CELF2: variants seen among roughly 807,000 people sequenced by gnomAD.
CELF2 encodes the protein CUGBP Elav-like family member 2.
CELF2 carries 8 observed loss-of-function variants against 62.6 expected under a neutral mutation model. That is an observed-to-expected ratio of 0.13 (90% confidence interval 0.07 to 0.23). The LOEUF (loss-of-function observed/expected upper bound fraction) is 0.23, where lower values mean the gene tolerates loss of function less well. Among genes scored for constraint, CELF2 ranks in the 10% least tolerant of loss-of-function variants. CELF2 has a pLI of 1.00. For missense variants in CELF2, 333 were observed against 671.0 expected (o/e 0.50, Z 5.56); for synonymous variants, 258 against 250.0 (o/e 1.03, Z -0.30).
At position 11,311,242 on chromosome 10, in the gene CELF2, C is replaced by T. The variant is rs185025670; in HGVS notation, c.977-2897C>T. Among the ~76,000 whole-genome samples, 28 of 152,334 alleles carry T rather than the reference C, an allele frequency of 1.8e-4. 1 individual carries two copies. The East Asian group carries it at 5.2e-3, about 28-fold the overall frequency. ...GAGAATTCATAACAATAAACCATCCCTCACGTGAGTTTACAACCCAGTTTG... is the reference window on the plus strand; with the variant it reads ...GAGAATTCATAACAATAAACCATCCTTCACGTGAGTTTACAACCCAGTTTG... On this transcript the variant is annotated intron_variant, in intron 9 of 12. Transcript: ENST00000633077. The surrounding 1 kb of genome is among the most constrained non-coding windows in gnomAD (Gnocchi z 4.7).
intron 1 of CELF2, among the ~76,000 whole-genome samples, chr10:11,032,196 A>G (rs1318522770): frequency 1.4e-5 from 2 of 146,434 alleles, no homozygotes; most frequent in Non-Finnish European, 3.0e-5. Context: ...CACCCACTAC[A>G]TCATGGGCTC....
chr10:10,468,396 C>T, the CELF2 span, among the ~76,000 whole-genome samples: 20 of 152,066 alleles, frequency 1.3e-4, no homozygotes, highest in Admixed American at 5.9e-4. Flanking sequence ...TTTGTCTTCA[C>T]GATCATACTG....
At chr10:10,595,176 G>T in the CELF2 span, among the ~76,000 whole-genome samples, 1 of 152,162 alleles carries the variant, frequency 6.6e-6, no homozygotes, top group East Asian at 1.9e-4. Context: ...CCATGAAAAT[G>T]TATGTTACAT....
At chr10:11,180,133 C>T (rs1293111870) in intron 2 of CELF2, among the ~76,000 whole-genome samples, 5 of 152,144 alleles carry the variant, frequency 3.3e-5, no homozygotes, top group Admixed American at 1.3e-4. Flanking sequence ...ACTCCATACC[C>T]GTCTGAGCCA....
intron 2 of CELF2, among the ~76,000 whole-genome samples, chr10:10,985,961 G>A (rs2052701608): frequency 6.6e-6 from 1 of 152,286 alleles, no homozygotes; most frequent in East Asian, 1.9e-4. Flanking sequence ...TAGGAAATTT[G>A]AAGACCTACT....
chr10:10,959,453 C>G (rs181464453), intron 2 of CELF2, among the ~76,000 whole-genome samples: 127 of 152,238 alleles, frequency 8.3e-4, no homozygotes, highest in Admixed American at 1.8e-3. Context: ...AAGTATTTAC[C>G]CAGCATTTTA....
rs1424243347 is a variant in CELF2, at chr10:11,005,462, T to C, written c.53+22T>C. 1.9e-6 allele frequency: 3 copies of C among 1,613,896 alleles called. No homozygotes were observed. The South Asian group carries it at 3.3e-5, about 18-fold the overall frequency. ...TAAGGTATGTTGTTGTGTCCTTTGT[T>C]TTTAATGCACGCTTTTCTAGTTTCT... is the stretch of plus-strand genomic sequence containing the variant. On this transcript the variant is annotated intron_variant, in intron 1 of 12. Coordinates refer to the CELF2 transcript ENST00000416382. The surrounding 1 kb of genome is among the most constrained non-coding windows in gnomAD (Gnocchi z 4.3).
chr10:10,508,623 A>G, the CELF2 span, among the ~76,000 whole-genome samples: 2 of 150,708 alleles, frequency 1.3e-5, no homozygotes, highest in African/African-American at 4.9e-5. Flanking sequence ...TATTGATCAG[A>G]TTTTCAATAC....
the CELF2 span, among the ~76,000 whole-genome samples, chr10:10,491,861 A>G: frequency 6.6e-6 from 1 of 152,184 alleles, no homozygotes; most frequent in South Asian, 2.1e-4. Context: ...TTGTTGTTAC[A>G]TACAAGCCCA....
chr10:11,299,988 T>C (rs930771865), intron 9 of CELF2, among the ~76,000 whole-genome samples: 2 of 152,232 alleles, frequency 1.3e-5, no homozygotes, highest in African/African-American at 4.8e-5. Context: ...CCCTGTGTAC[T>C]GCCTGTATGA....
intron 2 of CELF2, among the ~76,000 whole-genome samples, chr10:11,210,382 GA>G (rs1280007789): frequency 6.6e-6 from 1 of 152,156 alleles, no homozygotes; most frequent in South Asian, 2.1e-4. Context: ...CTTAGGGAGG[GA>G]AACAGCTGTT....
At chr10:11,045,027 G>T (rs768097) in intron 1 of CELF2, among the ~76,000 whole-genome samples, 3 of 152,050 alleles carry the variant, frequency 2.0e-5, no homozygotes, top group East Asian at 1.9e-4. Context: ...AAGTAAGGCT[G>T]ATATTAACTT....
intron 1 of CELF2, among the ~76,000 whole-genome samples, chr10:11,100,173 C>T (rs997725346): frequency 2.0e-5 from 3 of 151,906 alleles, no homozygotes; most frequent in Admixed American, 1.3e-4. Context: ...CACTGCACTC[C>T]AGCCTGGGTG....
At chr10:10,666,051 T>C in the CELF2 span, among the ~76,000 whole-genome samples, 3 of 152,234 alleles carry the variant, frequency 2.0e-5, no homozygotes, top group Admixed American at 6.5e-5. Flanking sequence ...AATCCTTCGA[T>C]TGGCTCTGTT....
the CELF2 span, among the ~76,000 whole-genome samples, chr10:10,507,021 C>T: frequency 2.6e-5 from 4 of 152,010 alleles, no homozygotes; most frequent in African/African-American, 4.8e-5. Flanking sequence ...AAAGGATGTG[C>T]TTTGTAGACC....
In CELF2 at chr10:11,145,589, G is replaced by T. The variant is rs1013885351; in HGVS notation, c.75-19897G>T. Among the ~76,000 whole-genome samples the T allele has an allele frequency of 3.9e-5, 6 of 152,304 alleles. No individual in the cohort carries two copies. In the East Asian group the frequency reaches 1.2e-3, roughly 29 times the overall value. The stretch of plus-strand genomic sequence containing the variant: ...TACTGAAAAGGGTGGGGACGCTGAA[G>T]GCAGGAAGTGGAGAGCGGAAGTGAG... On this transcript the variant is annotated intron_variant, in intron 1 of 12. Transcript: ENST00000633077. This position sits in a 1 kb window ranked among gnomAD's most constrained non-coding sequence, Gnocchi z 4.3.
At chr10:10,888,527 T>A (rs1246338555) in intron 1 of CELF2, among the ~76,000 whole-genome samples, 1 of 152,120 alleles carries the variant, frequency 6.6e-6, no homozygotes, top group Non-Finnish European at 1.5e-5. Flanking sequence ...AGACTTCGTT[T>A]TACATAAAAG....
the CELF2 span, among the ~76,000 whole-genome samples, chr10:10,651,912 T>A: frequency 6.7e-6 from 1 of 148,912 alleles, no homozygotes. Flanking sequence ...CTTCAGATGA[T>A]CAAATTACTC....
intron 1 of CELF2, among the ~76,000 whole-genome samples, chr10:11,092,737 T>C (rs2142014967): frequency 6.6e-6 from 1 of 152,352 alleles, no homozygotes; most frequent in South Asian, 2.1e-4. Flanking sequence ...GTTTTGTGAA[T>C]TGCTTCAGGG....
Sources: gnomAD v4.1 joint callset for allele counts (sites outside exome capture counted in the v4.1 genomes callset) on GRCh38, gnomAD v4.1.1 for gene constraint, Gnocchi (gnomAD v3.1) non-coding constraint, MANE v1.5 for transcripts, NCBI Gene and HGNC (gene_info 2026-07-23, HGNC 2026-07-21) for gene names.